ABCA12: variants seen among roughly 807,000 people sequenced by gnomAD.
The protein encoded by ABCA12 is glucosylceramide transporter ABCA12.
ABCA12 carries 156 observed loss-of-function variants against 293.5 expected under a neutral mutation model. The ratio of observed to expected loss-of-function variants is 0.53; its 90% CI spans 0.47 to 0.61. The LOEUF (loss-of-function observed/expected upper bound fraction) is 0.61, where lower values mean the gene tolerates loss of function less well. Ranked by LOEUF, ABCA12 falls within the 20% of genes least tolerant of loss-of-function variation. The pLI, the probability that ABCA12 is intolerant of heterozygous loss-of-function variation, is 0.00. For synonymous variants in ABCA12, 1,063 were observed against 1,108.0 expected (o/e 0.96, Z 0.81); for missense variants, 2,797 against 3,090.2 (o/e 0.91, Z 2.25).
At chr2:214,972,733 A>G (rs1167565510) in intron 36 of ABCA12, among the ~76,000 whole-genome samples, 4 of 152,148 alleles carry the variant, frequency 2.6e-5, no homozygotes, top group African/African-American at 9.7e-5. Flanking sequence ...AACTATACCA[A>G]TGTCAATTTT....
At chr2:215,112,607 T>C (rs772600432) in intron 1 of ABCA12, among the ~76,000 whole-genome samples, 11 of 151,344 alleles carry the variant, frequency 7.3e-5, no homozygotes, top group Non-Finnish European at 1.5e-4. Context: ...CAAACAATCC[T>C]CTGCCTCAGT....
chr2:214,981,968 TA>T lies in ABCA12; in HGVS notation c.4579+218del, dbSNP rs1559128704. ...TTATTATTATTATTATTATTATTAT[TA>T]TTATTATTATTATTATTTTATTATT... On this transcript the variant is annotated intron_variant, in intron 30 of 52. Transcript: ENST00000272895. Among the ~76,000 whole-genome samples the T allele has an allele frequency of 2.3e-3, 285 of 124,492 alleles. 6 individuals carry two copies. Among genetic ancestry groups the T allele is most frequent in the South Asian group, 0.017 (72 of 4,186 alleles). 81.7% of individuals were successfully genotyped at this position (124,492 alleles called of 152,430 possible). A position where few individuals can be genotyped will look rare whatever the true frequency, so the allele number is the denominator to read the frequency against.
intron 1 of ABCA12, among the ~76,000 whole-genome samples, chr2:215,134,342 G>GTGTATATATGTATATATGTACATA: frequency 7.2e-6 from 1 of 137,970 alleles, no homozygotes; most frequent in African/African-American, 2.7e-5. Flanking sequence ...ACATATATAT[G>GTGTATATATGTATATATGTACATA]TATATGTGTA....
chr2:215,121,828 T>A (rs1702810903), intron 1 of ABCA12, among the ~76,000 whole-genome samples: 1 of 152,200 alleles, frequency 6.6e-6, no homozygotes, highest in African/African-American at 2.4e-5. Flanking sequence ...AGCTCTTGCC[T>A]GCTGCCATGT....
intron 9 of ABCA12, 69 bp from the exon 10 acceptor site, chr2:215,027,007 C>G: frequency 2.6e-6 from 3 of 1,162,506 alleles, no homozygotes; most frequent in Non-Finnish European, 3.9e-6. Context: ...TTGTTGAGAT[C>G]ATTTTGGTCC....
intron 11 of ABCA12, chr2:215,022,834 A>C (rs1040277107): frequency 3.9e-5 from 6 of 152,160 alleles, no homozygotes; most frequent in African/African-American, 1.4e-4. Context: ...AGTCTATTTA[A>C]AATTTTACAG....
At chr2:215,063,734 G>A (rs531827038) in intron 3 of ABCA12, among the ~76,000 whole-genome samples, 15 of 151,906 alleles carry the variant, frequency 9.9e-5, no homozygotes, top group African/African-American at 2.7e-4. Flanking sequence ...TTACACTTAC[G>A]ACATCTCATG....
intron 3 of ABCA12, among the ~76,000 whole-genome samples, chr2:215,060,558 G>A (rs1009888287): frequency 6.6e-6 from 1 of 151,990 alleles, no homozygotes; most frequent in South Asian, 2.1e-4. Flanking sequence ...CAAGCTAGAG[G>A]AAAGTTTAAA....
At chr2:215,125,916 A>G (rs1027244611) in intron 1 of ABCA12, among the ~76,000 whole-genome samples, 1 of 152,100 alleles carries the variant, frequency 6.6e-6, no homozygotes, top group Non-Finnish European at 1.5e-5. Flanking sequence ...ATTCAGTATT[A>G]TGTTGGCTGT....
chr2:214,958,816 C>T (rs1353458105), intron 40 of ABCA12, among the ~76,000 whole-genome samples: 2 of 152,128 alleles, frequency 1.3e-5, no homozygotes, highest in Non-Finnish European at 2.9e-5. Flanking sequence ...AAGCAGCAAA[C>T]GCTGTGAGTC....
At chr2:214,959,819 G>C (rs1020693638) in intron 39 of ABCA12, among the ~76,000 whole-genome samples, 6 of 152,134 alleles carry the variant, frequency 3.9e-5, no homozygotes, top group African/African-American at 1.4e-4. Flanking sequence ...TTCCTTAGGG[G>C]ACCTTGGTTA....
At chr2:214,985,736 C>T (rs377716591) in intron 28 of ABCA12, among the ~76,000 whole-genome samples, 171 of 152,238 alleles carry the variant, frequency 1.1e-3, no homozygotes, top group African/African-American at 3.9e-3. Context: ...TGAGCTGATT[C>T]GTGATGATAC....
intron 20 of ABCA12, among the ~76,000 whole-genome samples, chr2:215,003,947 C>T (rs937131328): frequency 1.3e-5 from 2 of 152,122 alleles, no homozygotes; most frequent in African/African-American, 2.4e-5. Flanking sequence ...GGATTATAGG[C>T]GTGAGCCACC....
intron 3 of ABCA12, among the ~76,000 whole-genome samples, chr2:215,063,343 C>G (rs564365343): frequency 6.6e-6 from 1 of 151,886 alleles, no homozygotes; most frequent in Non-Finnish European, 1.5e-5. Flanking sequence ...GAGAGATACT[C>G]AAAAAATATC....
intron 8 of ABCA12, 146 bp from the exon 9 acceptor site, chr2:215,032,042 A>G (rs1449548125): frequency 2.0e-6 from 3 of 1,512,950 alleles, no homozygotes; most frequent in Non-Finnish European, 2.6e-6. Context: ...TATAAAAGAC[A>G]TCTATGCTCT....
intron 38 of ABCA12, 54 bp downstream of exon 38, chr2:214,968,666 A>G (rs1341934239): frequency 1.3e-6 from 2 of 1,537,044 alleles, no homozygotes; most frequent in African/African-American, 1.4e-5. Flanking sequence ...GATTAAACAT[A>G]TCAATTTCAC....
At chr2:214,937,708 C>A in intron 50 of ABCA12, 93 bp from the exon 51 acceptor site, 1 of 864,788 alleles carries the variant, frequency 1.2e-6, no homozygotes, top group Non-Finnish European at 1.9e-6. Flanking sequence ...CCCAAGCCAA[C>A]CATTATATCA....
At chr2:215,078,851 C>T (rs1312417981) in intron 2 of ABCA12, among the ~76,000 whole-genome samples, 1 of 152,150 alleles carries the variant, frequency 6.6e-6, no homozygotes, top group Non-Finnish European at 1.5e-5. Flanking sequence ...ACCTTTCAGG[C>T]AATTACTCCT....
intron 1 of ABCA12, among the ~76,000 whole-genome samples, chr2:215,123,546 G>A (rs1224604140): frequency 6.6e-6 from 1 of 152,128 alleles, no homozygotes; most frequent in Non-Finnish European, 1.5e-5. Context: ...TGTAAGTAGT[G>A]CTGCAATAAA....
Sources: gnomAD v4.1 joint callset for allele counts (sites outside exome capture counted in the v4.1 genomes callset) on GRCh38, gnomAD v4.1.1 for gene constraint, MANE v1.5 for transcripts, NCBI Gene and HGNC (gene_info 2026-07-23, HGNC 2026-07-21) for gene names.